Variants in SLTM observed in about 807,000 individuals in gnomAD.
SLTM encodes the protein SAFB like transcription modulator.
A neutral mutation model predicts 134.6 loss-of-function variants in SLTM; 43 were observed. The ratio of observed to expected loss-of-function variants is 0.32; its 90% confidence interval spans 0.25 to 0.41. SLTM has a LOEUF of 0.41. Ranked by LOEUF, SLTM falls within the 10% of genes least tolerant of loss-of-function variation. The probability of loss-of-function intolerance (pLI) is 1.00; values close to 1 mark genes in which losing one functional copy is unlikely to be tolerated. For missense variants in SLTM, 1,055 were observed against 1,288.8 expected (o/e 0.82, Z 2.78); for synonymous variants, 424 against 432.3 (o/e 0.98, Z 0.24).
chr15:58,886,139 TAAG>T (rs2034164546), intron 19 of SLTM, among the ~76,000 whole-genome samples: 1 of 151,370 alleles, frequency 6.6e-6, no homozygotes, highest in Admixed American at 6.6e-5. Flanking sequence ...ACCTTTAGGA[TAAG>T]AAGACAAAAA....
At position 58,905,743 on chromosome 15, in the gene SLTM, TA is replaced by T. The variant is rs879359350; in HGVS notation, c.562-4457del. Among the ~76,000 whole-genome samples, 123 of 145,864 alleles carry T rather than the reference TA, an allele frequency of 8.4e-4. 1 individual carries two copies. Among genetic ancestry groups the T allele is most frequent in the African/African-American group, 1.7e-3 (70 of 40,022 alleles). ...GTAAAATAGTAAAAATACTATGATG[TA>T]AAAAAAAAAACTGTATTCTATTGTA... On this transcript the variant is annotated intron_variant, in intron 5 of 20. Coordinates refer to ENST00000380516, the MANE Select transcript of SLTM (RefSeq NM_024755.4).
At chr15:58,930,725 A>C (rs1475855685) in intron 2 of SLTM, among the ~76,000 whole-genome samples, 3 of 142,938 alleles carry the variant, frequency 2.1e-5, no homozygotes, top group African/African-American at 7.6e-5. Flanking sequence ...ATATATATAT[A>C]TCATATATGA....
At chr15:58,912,423 T>C in intron 5 of SLTM, 140 bp downstream of exon 5, 1 of 802,950 alleles carries the variant, frequency 1.2e-6, no homozygotes, top group Non-Finnish European at 2.1e-6. Flanking sequence ...TTTTAAGTAC[T>C]TTGTGTACAT....
At chr15:58,909,132 T>C (rs557651410) in intron 5 of SLTM, among the ~76,000 whole-genome samples, 2 of 152,298 alleles carry the variant, frequency 1.3e-5, no homozygotes, top group South Asian at 2.1e-4. Context: ...TGCCTAATTA[T>C]AGGTCTAGAG....
At position 58,890,398 on chromosome 15, in the gene SLTM, C is replaced by T; in HGVS notation, c.1962G>A (p.Arg654=). 2.5e-6 allele frequency: 4 copies of T among 1,613,950 alleles called. No individual in the cohort carries two copies. Among genetic ancestry groups the T allele is most frequent in the Non-Finnish European group, 3.4e-6 (4 of 1,179,992 alleles). The part of the protein sequence containing the change: ...ERERIRIIRE[R]EERERLQRER... ...CTCTCTGTAAGCGTTCCCGTTCTTC[C>T]CGTTCACGAATTATTCTAATGCGTT... is the stretch of plus-strand genomic sequence containing the variant. Residue 654 remains arginine, a synonymous_variant, in exon 15 of 21, where the codon CGG becomes CGA. Coordinates refer to ENST00000380516, the MANE Select transcript of SLTM (RefSeq NM_024755.4).
At chr15:58,885,816 AC>A (rs1412170956) in intron 19 of SLTM, among the ~76,000 whole-genome samples, 13 of 143,062 alleles carry the variant, frequency 9.1e-5, no homozygotes, top group African/African-American at 3.1e-4. Flanking sequence ...AACAAAAAAA[AC>A]AACAACACAC....
At chr15:58,889,601 A>C (rs370039672) in intron 15 of SLTM, 47 bp from the exon 16 acceptor site, 1 of 1,609,530 alleles carries the variant, frequency 6.2e-7, no homozygotes, top group South Asian at 1.1e-5. Context: ...AAATGAAAAC[A>C]TAAGATAAGT....
At chr15:58,920,400 G>A (rs1320132721) in intron 2 of SLTM, among the ~76,000 whole-genome samples, 1 of 151,888 alleles carries the variant, frequency 6.6e-6, no homozygotes, top group Non-Finnish European at 1.5e-5. Flanking sequence ...AAGGTAGGTG[G>A]ATCATCTGAG....
At chr15:58,924,078 G>T (rs965009814) in intron 2 of SLTM, among the ~76,000 whole-genome samples, 1 of 152,108 alleles carries the variant, frequency 6.6e-6, no homozygotes, top group Non-Finnish European at 1.5e-5. Context: ...GCCTCCCAAG[G>T]TGCTGGGATT....
chr15:58,884,034 G>A (rs1349675886), intron 19 of SLTM, among the ~76,000 whole-genome samples: 3 of 151,636 alleles, frequency 2.0e-5, no homozygotes, highest in Non-Finnish European at 4.4e-5. Flanking sequence ...GGGAGGCAGA[G>A]GTTGCAGTGA....
chr15:58,897,194 G>A lies in SLTM; in HGVS notation c.1148C>T (p.Thr383Ile), dbSNP rs1302341077. The change falls in exon 9 of 21, where the codon ACT becomes ATT. Residue 383 changes from threonine to isoleucine, a missense_variant. By Grantham distance (89) the Thr-to-Ile change is moderately conservative (BLOSUM62 -1). Coordinates refer to ENST00000380516, the MANE Select transcript of SLTM (RefSeq NM_024755.4). ...SSTSGSSGSS[T>I]KNIWVSGLSS... ...AAGTCCACTAACCCAGATATTTTTA[G>A]TTGAGCTTCCACTGCTACCACTAGT... 6.2e-7 allele frequency: 1 copy of A among 1,612,732 alleles called. No homozygotes were observed. Among genetic ancestry groups the A allele is most frequent in the South Asian group, 1.1e-5 (1 of 91,044 alleles).
Position 58,886,996 on chromosome 15 carries a change from T to C in SLTM, c.2814A>G (p.Thr938=). 6.2e-7 allele frequency: 1 copy of C among 1,612,674 alleles called. No individual in the cohort carries two copies. The highest frequency in any genetic ancestry group is 8.5e-7 in the Non-Finnish European group (1 of 1,180,028). Residue 938 remains threonine, a synonymous_variant, in exon 19 of 21, where the codon ACA becomes ACG. Transcript: ENST00000380516. ...TTACCTGTGATCCACCTCCTCGGTC[T>C]GTGATGACTCCTCTGTCTCCCTCTC... is the stretch of plus-strand genomic sequence containing the variant. ...GSREGDRGVI[T]DRGGGSQHYP...
intron 8 of SLTM, 134 bp from the exon 9 acceptor site, chr15:58,897,367 A>G: frequency 1.8e-6 from 1 of 561,624 alleles, no homozygotes; most frequent in Non-Finnish European, 3.2e-6. Flanking sequence ...TGAGTTTACT[A>G]TTATTGAAAT....
chr15:58,933,073 G>C (rs1019730098), intron 1 of SLTM, among the ~76,000 whole-genome samples: 2 of 152,172 alleles, frequency 1.3e-5, no homozygotes, highest in Non-Finnish European at 2.9e-5. Flanking sequence ...TGGGGAGCCA[G>C]CGCCTCCCAG....
chr15:58,880,161 T>C (rs2033582788), intron 20 of SLTM, 54 bp from the exon 21 acceptor site: 1 of 1,587,978 alleles, frequency 6.3e-7, no homozygotes, highest in East Asian at 2.3e-5. Flanking sequence ...AAATCATCAC[T>C]GCAAATACCA....
chr15:58,888,654 A>G (rs2034419354), intron 16 of SLTM, 99 bp from the exon 17 acceptor site: 8 of 1,155,512 alleles, frequency 6.9e-6, no homozygotes, highest in Admixed American at 4.7e-5. Context: ...AACTGTGGAC[A>G]TAACAGGGCT....
At chr15:58,893,243 T>G in intron 13 of SLTM, 36 bp downstream of exon 13, 1 of 1,518,280 alleles carries the variant, frequency 6.6e-7, no homozygotes, top group African/African-American at 1.4e-5. Flanking sequence ...TGTAAACAGC[T>G]GAAGTAGTAT....
chr15:58,902,369 G>A (rs1002006446), intron 5 of SLTM, among the ~76,000 whole-genome samples: 3 of 147,174 alleles, frequency 2.0e-5, no homozygotes, highest in African/African-American at 7.5e-5. Flanking sequence ...ACTACGCTTG[G>A]CTTAAGAAAT....
At chr15:58,915,756 G>A (rs564083730) in intron 3 of SLTM, among the ~76,000 whole-genome samples, 150 of 152,138 alleles carry the variant, frequency 9.9e-4, no homozygotes, top group African/African-American at 3.4e-3. Context: ...TAGGAGGCAG[G>A]AGAGATGGGT....
Sources: gnomAD v4.1 joint callset for allele counts (sites outside exome capture counted in the v4.1 genomes callset) on GRCh38, gnomAD v4.1.1 for gene constraint, MANE v1.5 for transcripts, NCBI Gene and HGNC (gene_info 2026-07-23, HGNC 2026-07-21) for gene names.